The following AGBL4 variants were observed in gnomAD, a reference collection of about 807,000 sequenced individuals.
AGBL4 encodes the protein cytosolic carboxypeptidase 6.
A neutral mutation model predicts 66.4 loss-of-function variants in AGBL4; 58 were observed. The ratio of observed to expected loss-of-function variants is 0.87; its 90% CI spans 0.71 to 1.09. The LOEUF is 1.09. Ranked by LOEUF, AGBL4 falls within the 50% of genes least tolerant of loss-of-function variation. AGBL4 has a pLI of 0.00. For synonymous variants in AGBL4, 234 were observed against 222.9 expected, an observed-to-expected ratio of 1.05 and a Z score of -0.44; for missense variants, 579 against 631.0, an observed-to-expected ratio of 0.92 and a Z score of 0.88.
At chr1:49,540,788 C>G (rs1339711448) in intron 3 of AGBL4, among the ~76,000 whole-genome samples, 1 of 152,016 alleles carries the variant, frequency 6.6e-6, no homozygotes, top group Non-Finnish European at 1.5e-5. Flanking sequence ...TTAACAAATA[C>G]CTTTATATAC....
At chr1:49,668,340 T>C (rs1247753734) in intron 3 of AGBL4, among the ~76,000 whole-genome samples, 1 of 152,198 alleles carries the variant, frequency 6.6e-6, no homozygotes, top group Non-Finnish European at 1.5e-5. Flanking sequence ...TGTTATTTAC[T>C]GAAAGATGTC....
intron 11 of AGBL4, among the ~76,000 whole-genome samples, chr1:48,546,014 C>A (rs1420858536): frequency 6.6e-6 from 1 of 152,154 alleles, no homozygotes; most frequent in Non-Finnish European, 1.5e-5. Flanking sequence ...ACTTTATAGC[C>A]TAGAGAAGGA....
intron 1 of AGBL4, among the ~76,000 whole-genome samples, chr1:49,912,823 A>C (rs888682411): frequency 2.0e-5 from 3 of 152,210 alleles, no homozygotes; most frequent in Non-Finnish European, 2.9e-5. Flanking sequence ...ATAATTCCAC[A>C]ACAAAAGGCA....
chr1:50,007,450 A>G (rs1661220585), intron 1 of AGBL4, among the ~76,000 whole-genome samples: 1 of 152,160 alleles, frequency 6.6e-6, no homozygotes, highest in African/African-American at 2.4e-5. Flanking sequence ...ACAAGACCTA[A>G]GAATCTGTTG....
chr1:49,227,240 C>CT (rs1261513570), intron 4 of AGBL4, among the ~76,000 whole-genome samples: 2 of 152,288 alleles, frequency 1.3e-5, no homozygotes, highest in East Asian at 1.9e-4. Context: ...AACAAAATCT[C>CT]TTTTTTTCCT....
chr1:49,122,580 A>G (rs1214749295), intron 4 of AGBL4, among the ~76,000 whole-genome samples: 1 of 152,208 alleles, frequency 6.6e-6, no homozygotes, highest in Non-Finnish European at 1.5e-5. Context: ...CAAATACTGC[A>G]TATGGTTAAT....
chr1:49,670,561 G>A (rs1646456929), intron 3 of AGBL4, among the ~76,000 whole-genome samples: 2 of 152,132 alleles, frequency 1.3e-5, no homozygotes, highest in South Asian at 2.1e-4. Context: ...CCTGGCTATA[G>A]GTATAGGTTA....
intron 4 of AGBL4, among the ~76,000 whole-genome samples, chr1:49,047,039 G>A (rs1000099653): frequency 1.3e-5 from 2 of 152,126 alleles, no homozygotes; most frequent in Non-Finnish European, 2.9e-5. Flanking sequence ...ACTGTTAACA[G>A]ATAGAACAGA....
intron 3 of AGBL4, among the ~76,000 whole-genome samples, chr1:49,297,466 G>T (rs914229075): frequency 6.6e-6 from 1 of 152,208 alleles, no homozygotes; most frequent in Non-Finnish European, 1.5e-5. Context: ...AATTGCAAGG[G>T]ATGAAGCTGG....
intron 6 of AGBL4, among the ~76,000 whole-genome samples, chr1:48,719,767 C>A (rs367938591): frequency 2.0e-5 from 3 of 152,196 alleles, no homozygotes; most frequent in Non-Finnish European, 4.4e-5. Flanking sequence ...TTAATGCTCA[C>A]AGAAACATGA....
intron 1 of AGBL4, among the ~76,000 whole-genome samples, chr1:49,890,183 G>GA (rs141285840): frequency 0.012 from 1,799 of 152,206 alleles, 47 homozygotes; most frequent in African/African-American, 0.041. Flanking sequence ...TTACTGATAA[G>GA]AAAAAATTGA....
rs1455208570 is a variant in AGBL4, at chr1:48,663,185, G to A, written c.691C>T (p.Pro231Ser). 6.2e-7 allele frequency: 1 copy of A among 1,613,882 alleles called. No individual in the cohort carries two copies. Among genetic ancestry groups the A allele is most frequent in the Non-Finnish European group, 8.5e-7 (1 of 1,179,870 alleles). Reference protein sequence around the residue: ...KVVFITGRVHPGETPSSFVCQ... With the variant: ...KVVFITGRVHSGETPSSFVCQ... Reference sequence around the variant, plus strand: ...ACAAATGATGAGGGTGTTTCCCCTGGGTGGACTCGTCCTGTGATGAATACC... The same window carrying A: ...ACAAATGATGAGGGTGTTTCCCCTGAGTGGACTCGTCCTGTGATGAATACC... The change falls in exon 7 of 14, where the codon CCA (proline) becomes TCA (serine). Residue 231 changes from proline to serine, a missense_variant. By Grantham distance (74) the Pro-to-Ser change is moderately conservative. Coordinates refer to ENST00000371839, the MANE Select transcript of AGBL4 (RefSeq NM_032785.4).
chr1:48,671,322 T>A (rs1257189909), intron 6 of AGBL4, among the ~76,000 whole-genome samples: 1 of 152,252 alleles, frequency 6.6e-6, no homozygotes, highest in Non-Finnish European at 1.5e-5. Flanking sequence ...ACTGACCACA[T>A]GCCAAACTTT....
At chr1:49,238,038 T>C (rs1441406073) in intron 4 of AGBL4, among the ~76,000 whole-genome samples, 3 of 152,188 alleles carry the variant, frequency 2.0e-5, no homozygotes, top group Non-Finnish European at 4.4e-5. Flanking sequence ...CAGGCTTCAA[T>C]AGTTTCTGTT....
intron 7 of AGBL4, among the ~76,000 whole-genome samples, chr1:48,658,035 A>G (rs319999): frequency 0.64 from 97,596 of 152,050 alleles, 31,622 homozygotes; most frequent in Middle Eastern, 0.72. Context: ...TGAAGTGAGC[A>G]AATAAAGATC....
intron 3 of AGBL4, among the ~76,000 whole-genome samples, chr1:49,604,623 G>T (rs887581437): frequency 2.6e-5 from 4 of 151,988 alleles, no homozygotes; most frequent in African/African-American, 7.2e-5. Context: ...TGCTTTAGGG[G>T]TCTTAATTTT....
At chr1:49,154,485 C>A (rs1646394325) in intron 4 of AGBL4, among the ~76,000 whole-genome samples, 1 of 152,086 alleles carries the variant, frequency 6.6e-6, no homozygotes, top group Non-Finnish European at 1.5e-5. Flanking sequence ...CTCAACACTG[C>A]ACAAAATACT....
chr1:48,591,323 C>T (rs2148348783), intron 9 of AGBL4, among the ~76,000 whole-genome samples: 1 of 152,290 alleles, frequency 6.6e-6, no homozygotes, highest in South Asian at 2.1e-4. Flanking sequence ...TTACTCAGAA[C>T]AGCTAACACA....
In AGBL4 at chr1:49,502,630, C is replaced by A. The variant is rs1164353343; in HGVS notation, c.282+194683G>T. Among the ~76,000 whole-genome samples, 7 of 151,966 alleles carry A rather than the reference C, an allele frequency of 4.6e-5. 1 individual carries two copies. The East Asian group carries it at 9.6e-4, about 21-fold the overall frequency. On this transcript the variant is annotated intron_variant, in intron 3 of 13. Coordinates refer to ENST00000371839, the MANE Select transcript of AGBL4 (RefSeq NM_032785.4). ...TTGTTGAATGGTTTTAATGAAAATG[C>A]TGATAGAAATATGGACAATGAAGTC... is the stretch of plus-strand genomic sequence containing the variant.
Sources: allele counts gnomAD v4.1 joint callset (sites outside exome capture counted in the v4.1 genomes callset), GRCh38; gene constraint gnomAD v4.1.1; transcripts MANE v1.5; gene names NCBI Gene and HGNC (gene_info 2026-07-23, HGNC 2026-07-21).